PYGL: variants seen among roughly 807,000 people sequenced by gnomAD.
The protein encoded by PYGL is glycogen phosphorylase L.
A neutral mutation model predicts 100.1 loss-of-function variants in PYGL; 90 were observed. The observed-to-expected ratio is 0.90, with a 90% confidence interval of 0.76 to 1.07. PYGL has a LOEUF of 1.07. Ranked by LOEUF, PYGL falls within the 50% of genes least tolerant of loss-of-function variation. The pLI, the probability that PYGL is intolerant of heterozygous loss-of-function variation, is 0.00. For missense variants in PYGL, 1,016 were observed against 1,057.6 expected, an observed-to-expected ratio of 0.96 and a Z score of 0.55; for synonymous variants, 373 against 393.0, an observed-to-expected ratio of 0.95 and a Z score of 0.60.
In PYGL at chr14:50,935,201, A is replaced by T. The variant is rs758960526; in HGVS notation, c.346-16T>A. On this transcript the variant is annotated splice_polypyrimidine_tract_variant and intron_variant, in intron 2 of 19. Transcript: ENST00000216392. ...CCAATCCAAGCTGGTAATGAAAGGA[A>T]AACAATATTGGAAGCAGATAAAAAT... 1.3e-6 allele frequency: 2 copies of T among 1,589,996 alleles called. No individual in the cohort carries two copies. The highest frequency in any genetic ancestry group is 2.2e-5 in the South Asian group (2 of 90,572).
intron 4 of PYGL, among the ~76,000 whole-genome samples, chr14:50,931,289 G>GCTTC (rs1360065139): frequency 6.6e-6 from 1 of 152,204 alleles, no homozygotes; most frequent in Non-Finnish European, 1.5e-5. Context: ...ATGGCAATGT[G>GCTTC]CTTCCTATCA....
At position 50,912,098 on chromosome 14, in the gene PYGL, A is replaced by C. The variant is rs573923454; in HGVS notation, c.1768+58T>G. ...GCTGACGGTCAGGGCAGTGAGACCTATGCTGAGTCTGCTGCTTCCACCTGC... is the reference window on the plus strand; with the variant it reads ...GCTGACGGTCAGGGCAGTGAGACCTCTGCTGAGTCTGCTGCTTCCACCTGC... On this transcript the variant is annotated intron_variant, in intron 14 of 19. Transcript: ENST00000216392. 71 of 1,613,602 alleles carry C rather than the reference A, an allele frequency of 4.4e-5. No individual in the cohort carries two copies. The African/African-American group carries it at 8.4e-4, about 19-fold the overall frequency.
Position 50,920,936 on chromosome 14 carries a change from A to G in PYGL, c.772+20T>C. On this transcript the variant is annotated intron_variant, in intron 6 of 19. Coordinates refer to ENST00000216392, the MANE Select transcript of PYGL (RefSeq NM_002863.5). The stretch of plus-strand genomic sequence containing the variant: ...GATTAAGCACACGCATAAAGAAACC[A>G]AGGCCTGTGCTGTACTCACAGTCTC... 1 of 1,589,414 alleles carries G rather than the reference A, an allele frequency of 6.3e-7. No homozygotes were observed. Among genetic ancestry groups the G allele is most frequent in the African/African-American group, 1.3e-5 (1 of 74,436 alleles).
chr14:50,937,939 G>A, intron 1 of PYGL, 102 bp from the exon 2 acceptor site: 1 of 1,051,092 alleles, frequency 9.5e-7, no homozygotes, highest in South Asian at 1.3e-5. Flanking sequence ...GAAACAAACA[G>A]GCAGGACTAT....
chr14:50,905,609 T>C, intron 19 of PYGL, 53 bp from the exon 20 acceptor site: 1 of 1,562,378 alleles, frequency 6.4e-7, no homozygotes, highest in Non-Finnish European at 8.8e-7. Context: ...CAGTGAGCTT[T>C]ATAATAAACA....
chr14:50,923,801 C>A, intron 5 of PYGL, 168 bp downstream of exon 5: 1 of 778,744 alleles, frequency 1.3e-6, no homozygotes, highest in Non-Finnish European at 1.9e-6. Flanking sequence ...TCCAAAATGA[C>A]TGGGCTGCGC....
At chr14:50,915,234 G>T in intron 11 of PYGL, 102 bp downstream of exon 11, 18 of 1,312,148 alleles carry the variant, frequency 1.4e-5, no homozygotes, top group African/African-American at 3.0e-5. Flanking sequence ...TTAAACATTT[G>T]AACAAGGCCT....
chr14:50,921,546 A>C (rs188150571), intron 5 of PYGL: 1 of 157,262 alleles, frequency 6.4e-6, no homozygotes, highest in Admixed American at 6.2e-5. Flanking sequence ...TGCCCGGCTA[A>C]TTTTTTTGTA....
intron 3 of PYGL, among the ~76,000 whole-genome samples, chr14:50,932,902 A>G (rs1463939294): frequency 6.6e-6 from 1 of 152,238 alleles, no homozygotes; most frequent in Non-Finnish European, 1.5e-5. Flanking sequence ...ACAGAGATCC[A>G]CAAACACAAA....
rs559482932 is a variant in PYGL, at chr14:50,926,077, C to T, written c.529-1977G>A. The stretch of plus-strand genomic sequence containing the variant: ...AATTCAGAATTAAAAACTAAACTTC[C>T]GCTATCCCAGTCATAAGAGAACAAA... On this transcript the variant is annotated intron_variant, in intron 4 of 19. Transcript: ENST00000216392. Among the ~76,000 whole-genome samples the T allele has an allele frequency of 1.1e-4, 17 of 152,294 alleles. No individual in the cohort carries two copies. In the South Asian group the frequency reaches 3.1e-3, roughly 28 times the overall value.
In PYGL at chr14:50,937,723, A is replaced by G; in HGVS notation, c.345+13T>C. On this transcript the variant is annotated intron_variant, in intron 2 of 19. Transcript: ENST00000216392. ...TAAAGAGACAGGATGAGAGAAATCT[A>G]GGAACAATGTACCTGGTAAATGGCC... The G allele has an allele frequency of 6.2e-7, 1 of 1,600,444 alleles. No homozygotes were observed. Among genetic ancestry groups the G allele is most frequent in the Non-Finnish European group, 8.6e-7 (1 of 1,167,492 alleles).
In PYGL at chr14:50,920,585, T is replaced by A; in HGVS notation, c.811A>T (p.Asn271Tyr). ...ACCCGGGAGATGTTCTCGGCCAGGT[T>A]TCGGTCCAGCACAGCCTGAATGTAG... ...GDYIQAVLDRNLAENISRVLY... is the reference protein window; with the variant it reads ...GDYIQAVLDRYLAENISRVLY... The change falls in exon 7 of 20, where the codon AAC becomes TAC. Residue 271 changes from asparagine to tyrosine, a missense_variant. Coordinates refer to ENST00000216392, the MANE Select transcript of PYGL (RefSeq NM_002863.5). The A allele has an allele frequency of 1.2e-6, 2 of 1,613,354 alleles. No homozygotes were observed. Among genetic ancestry groups the A allele is most frequent in the South Asian group, 1.1e-5 (1 of 91,068 alleles).
At position 50,905,469 on chromosome 14, in the gene PYGL, G is replaced by C. The variant is rs756205397; in HGVS notation, c.2467C>G (p.Gln823Glu). The C allele has an allele frequency of 1.2e-6, 2 of 1,613,600 alleles. No homozygotes were observed. The highest frequency in any genetic ancestry group is 2.7e-5 in the African/African-American group (2 of 74,892). The change falls in exon 20 of 20, where the codon CAA (glutamine) becomes GAA (glutamate). Residue 823 changes from glutamine (Q) to glutamate (E), a missense_variant. Physicochemically the swap from Gln to Glu is conservative, Grantham distance 29 (BLOSUM62 2). Transcript: ENST00000216392. ...SSDRTIKEYAQNIWNVEPSDL... is the reference protein window; with the variant it reads ...SSDRTIKEYAENIWNVEPSDL... ...GAAGGTTCCACGTTCCAGATGTTTT[G>C]GGCATATTCTTTAATTGTTCGGTCA...
chr14:50,923,863 C>T (rs541286514), intron 5 of PYGL, 106 bp downstream of exon 5: 54 of 1,340,732 alleles, frequency 4.0e-5, no homozygotes, highest in Admixed American at 2.5e-4. Flanking sequence ...ATTCAAAACA[C>T]GACATGCCCT....
intron 12 of PYGL, among the ~76,000 whole-genome samples, chr14:50,914,359 T>C (rs1350696246): frequency 6.6e-6 from 1 of 152,036 alleles, no homozygotes; most frequent in Non-Finnish European, 1.5e-5. Context: ...TAGCTGGGCA[T>C]TGTGATGTGT....
At chr14:50,915,198 A>T (rs1475630224) in intron 11 of PYGL, 138 bp downstream of exon 11, 18 of 1,046,504 alleles carry the variant, frequency 1.7e-5, no homozygotes, top group Non-Finnish European at 2.4e-5. Context: ...TTTAGGCAAG[A>T]GTTTTTTGTA....
intron 19 of PYGL, among the ~76,000 whole-genome samples, chr14:50,906,589 A>T (rs1031222217): frequency 2.0e-5 from 3 of 152,196 alleles, no homozygotes; most frequent in Non-Finnish European, 4.4e-5. Context: ...CATCGTTTGG[A>T]TTTGGGCCAT....
chr14:50,920,423 G>C, intron 7 of PYGL, 118 bp downstream of exon 7: 2 of 1,001,478 alleles, frequency 2.0e-6, no homozygotes, highest in Non-Finnish European at 3.1e-6. Flanking sequence ...AAGAAATACG[G>C]AGCTTGTTCT....
chr14:50,917,727 A>G (rs1245477986), intron 7 of PYGL, among the ~76,000 whole-genome samples: 1 of 152,232 alleles, frequency 6.6e-6, no homozygotes, highest in Non-Finnish European at 1.5e-5. Flanking sequence ...CAGCCAGGCC[A>G]TGGTGTGCAG....
Sources: gnomAD v4.1 joint callset for allele counts (sites outside exome capture counted in the v4.1 genomes callset) on GRCh38, gnomAD v4.1.1 for gene constraint, MANE v1.5 for transcripts, NCBI Gene and HGNC (gene_info 2026-07-23, HGNC 2026-07-21) for gene names.